MUC12: variants seen among roughly 807,000 people sequenced by gnomAD.
MUC12 encodes mucin 12, cell surface associated.
Under a neutral mutation model 230.8 loss-of-function variants are expected in MUC12, and 172 were observed. The ratio of observed to expected loss-of-function variants is 0.75; its 90% CI spans 0.66 to 0.85. The LOEUF (loss-of-function observed/expected upper bound fraction) is 0.85. MUC12 is among the 40% of genes least tolerant of loss of function. MUC12 has a pLI of 0.00. For synonymous variants in MUC12, 1,259 were observed against 2,401.9 expected (o/e 0.52, Z 13.91); for missense variants, 3,506 against 5,920.6 (o/e 0.59, Z 13.38).
intron 5 of MUC12, among the ~76,000 whole-genome samples, chr7:101,010,682 A>T (rs905368057): frequency 2.6e-5 from 4 of 151,812 alleles, no homozygotes; most frequent in Non-Finnish European, 5.9e-5. Flanking sequence ...ACCCAGCTAA[A>T]TTTTGTATTT....
intron 1 of MUC12, among the ~76,000 whole-genome samples, chr7:100,973,709 A>C (rs1054924971): frequency 3.9e-5 from 2 of 51,666 alleles, no homozygotes; most frequent in African/African-American, 7.5e-5. Flanking sequence ...AACCCAGTCA[A>C]TGGTATTTGC....
intron 11 of MUC12, 56 bp downstream of exon 11, chr7:101,017,719 T>A: frequency 7.7e-7 from 1 of 1,303,850 alleles, no homozygotes. Flanking sequence ...TCCTCTGGGG[T>A]TCCCTCTTCC....
chr7:101,017,704 C>T (rs772717098), intron 11 of MUC12, 41 bp downstream of exon 11: 4 of 1,429,376 alleles, frequency 2.8e-6, no homozygotes, highest in South Asian at 2.5e-5. Context: ...TGAGGCTGCT[C>T]CACTTCCTCT....
chr7:100,981,884 T>TTTTA (rs1793113080), intron 1 of MUC12, among the ~76,000 whole-genome samples: 1 of 150,042 alleles, frequency 6.7e-6, no homozygotes. Flanking sequence ...TTTTTTTTTT[T>TTTTA]GAGACGGAGT....
chr7:101,008,980 C>A, intron 4 of MUC12, 115 bp from the exon 5 acceptor site: 1 of 1,340,008 alleles, frequency 7.5e-7, no homozygotes, highest in Non-Finnish European at 1.0e-6. Flanking sequence ...GTGGTTCCTC[C>A]TATGGGAGCT....
Position 100,991,680 on chromosome 7 carries a change from T to G in MUC12, c.1117T>G (p.Phe373Val). The change falls in exon 2 of 12, where the codon TTC becomes GTC. Residue 373 changes from phenylalanine (F) to valine (V), a missense_variant. By Grantham distance (50) the Phe-to-Val change is conservative. Coordinates refer to ENST00000536621, the MANE Select transcript of MUC12 (RefSeq NM_001164462.2). The part of the protein sequence containing the change: ...RSPGSTQTMH[F>V]PESSTTSGHS... ...CCCGGGCTCAACTCAAACAATGCAC[T>G]TCCCTGAAAGCTCCACAACTTCAGG... 1.3e-6 allele frequency: 2 copies of G among 1,537,644 alleles called. No individual in the cohort carries two copies. The highest frequency in any genetic ancestry group is 1.7e-6 in the Non-Finnish European group (2 of 1,146,790).
At chr7:100,975,601 AT>A (rs1436450670) in intron 1 of MUC12, among the ~76,000 whole-genome samples, 1 of 152,312 alleles carries the variant, frequency 6.6e-6, no homozygotes, top group Non-Finnish European at 1.5e-5. Flanking sequence ...AGTAGAGTTA[AT>A]GAGGTGGGAT....
In MUC12 at chr7:101,013,070, C is replaced by T; in HGVS notation, c.15566C>T (p.Thr5189Ile). The T allele has an allele frequency of 1.3e-6, 2 of 1,537,356 alleles. No individual in the cohort carries two copies. Among genetic ancestry groups the T allele is most frequent in the South Asian group, 1.2e-5 (1 of 84,066 alleles). ...DGKLACVNKC[T>I]KGTKSQMNCN... ...AAGCTGGCCTGTGTGAACAAGTGCA[C>T]CAAAGGAACGAAGTCGCAAATGAAC... The change falls in exon 8 of 12, where the codon ACC becomes ATC. Residue 5189 changes from threonine (T) to isoleucine (I), a missense_variant. Transcript: ENST00000536621.
At position 101,008,714 on chromosome 7, in the gene MUC12, G is replaced by T. The variant is rs747837802; in HGVS notation, c.15139G>T (p.Ala5047Ser). 2.0e-6 allele frequency: 3 copies of T among 1,537,160 alleles called. No homozygotes were observed. The highest frequency in any genetic ancestry group is 2.6e-6 in the Non-Finnish European group (3 of 1,146,892). ...AAATTTCACAGAAAAGATGAATGAC[G>T]CATCCTCCCAGGAATACCAGAACTT... ...YRNFTEKMND[A>S]SSQEYQNFST... The change falls in exon 4 of 12, where the codon GCA (alanine) becomes TCA (serine). Residue 5047 changes from alanine (A) to serine (S), a missense_variant. Ala to Ser is a moderately conservative substitution (Grantham distance 99). Transcript: ENST00000536621.
In MUC12 at chr7:101,004,475, A is replaced by G. The variant is rs1365750269; in HGVS notation, c.13912A>G (p.Thr4638Ala). ...ATCAAGAACTTCCCACAGCAGCACA[A>G]CACACACAATATCTTCACCTCCTAG... is the stretch of plus-strand genomic sequence containing the variant. ...EESRTSHSST[T>A]HTISSPPSTT... Residue 4638 changes from threonine to alanine, a missense_variant, in exon 2 of 12, where the codon ACA (threonine) becomes GCA (alanine). Coordinates refer to ENST00000536621, the MANE Select transcript of MUC12 (RefSeq NM_001164462.2). 29 of 1,529,812 alleles carry G rather than the reference A, an allele frequency of 1.9e-5. No individual in the cohort carries two copies. The highest frequency in any genetic ancestry group is 2.4e-5 in the Non-Finnish European group (27 of 1,145,006). 94.8% of individuals were successfully genotyped at this position (1,529,812 alleles called of 1,614,324 possible).
chr7:101,005,010 C>T lies in MUC12; in HGVS notation c.14447C>T (p.Ser4816Leu). 1 of 1,537,748 alleles carries T rather than the reference C, an allele frequency of 6.5e-7. No individual in the cohort carries two copies. The highest frequency in any genetic ancestry group is 8.7e-7 in the Non-Finnish European group (1 of 1,147,038). ...TTLSPGSITT[S>L]SFAQEFTTPH... ...CTGTCCCCTGGCAGCATCACAACTT[C>T]ATCTTTTGCTCAAGAATTTACCACC... is the stretch of plus-strand genomic sequence containing the variant. Residue 4816 changes from serine (S) to leucine (L), a missense_variant, in exon 2 of 12, where the codon TCA becomes TTA. Physicochemically the swap from Ser to Leu is moderately radical, Grantham distance 145. Transcript: ENST00000536621.
At chr7:101,012,492 A>T in intron 6 of MUC12, 45 bp downstream of exon 6, 1 of 1,523,568 alleles carries the variant, frequency 6.6e-7, no homozygotes, top group South Asian at 1.2e-5. Context: ...TGTCTTGGAG[A>T]TCGTGACCTT....
chr7:100,991,655 C>G lies in MUC12; in HGVS notation c.1092C>G (p.Ser364Arg). The part of the protein sequence containing the change: ...HVEESTAYHR[S>R]PGSTQTMHFP... ...AAGAATCTACAGCCTACCACAGGAG[C>G]CCGGGCTCAACTCAAACAATGCACT... is the stretch of plus-strand genomic sequence containing the variant. The change falls in exon 2 of 12, where the codon AGC becomes AGG. Residue 364 changes from serine to arginine, a missense_variant. Coordinates refer to ENST00000536621, the MANE Select transcript of MUC12 (RefSeq NM_001164462.2). 6.5e-7 allele frequency: 1 copy of G among 1,537,228 alleles called. No individual in the cohort carries two copies. Among genetic ancestry groups the G allele is most frequent in the Non-Finnish European group, 8.7e-7 (1 of 1,146,482 alleles).
rs1032783297 is a variant in MUC12 at position 101,012,910 on chromosome 7, G to A, written c.15475+20G>A. On this transcript the variant is annotated intron_variant, in intron 7 of 11. Transcript: ENST00000536621. ...TCCAGGGTAAGCGACTACGTGGAGC[G>A]TGGGCACTAAGAGTGGGGGCTGGGA... The A allele has an allele frequency of 2.7e-5, 41 of 1,537,094 alleles. 1 individual carries two copies. Among genetic ancestry groups the A allele is most frequent in the South Asian group, 5.9e-5 (5 of 84,068 alleles).
At chr7:100,972,173 G>A (rs5021604) in intron 1 of MUC12, 2 of 702,104 alleles carry the variant, frequency 2.8e-6, no homozygotes, top group East Asian at 5.4e-5. Flanking sequence ...TAATTCTCAT[G>A]AGGAGATCTG....
At position 100,992,866 on chromosome 7, in the gene MUC12, C is replaced by G. The variant is rs34196598; in HGVS notation, c.2303C>G (p.Thr768Arg). 1.3e-6 allele frequency: 2 copies of G among 1,536,970 alleles called. No individual in the cohort carries two copies. The highest frequency in any genetic ancestry group is 1.7e-6 in the Non-Finnish European group (2 of 1,146,750). The change falls in exon 2 of 12, where the codon ACA becomes AGA. Residue 768 changes from threonine (T) to arginine (R), a missense_variant. Thr to Arg is a moderately conservative substitution (Grantham distance 71). Coordinates refer to ENST00000536621, the MANE Select transcript of MUC12 (RefSeq NM_001164462.2). ...ACCTCAGGCCGTAGTGAGGAATCAA[C>G]AGCATCGCACAGCAGCCAAGACGCA... ...STTSGRSEES[T>R]ASHSSQDATG... is the part of the protein sequence containing the mutation.
chr7:100,990,768 C>A lies in MUC12; in HGVS notation c.205C>A (p.Leu69Ile). The A allele has an allele frequency of 6.5e-7, 1 of 1,537,860 alleles. No homozygotes were observed. Among genetic ancestry groups the A allele is most frequent in the Non-Finnish European group, 8.7e-7 (1 of 1,147,028 alleles). The change falls in exon 2 of 12, where the codon CTT becomes ATT. Residue 69 changes from leucine to isoleucine, a missense_variant. Leu to Ile is a conservative substitution (Grantham distance 5). Coordinates refer to ENST00000536621, the MANE Select transcript of MUC12 (RefSeq NM_001164462.2). Reference sequence around the variant, plus strand: ...GGGCTCAACTGCAACAAAACACTTCCTTGACAGCTCCACAAACTCAGGCCA... The same window carrying A: ...GGGCTCAACTGCAACAAAACACTTCATTGACAGCTCCACAAACTCAGGCCA... ...ITGSTATKHF[L>I]DSSTNSGHSE... is the part of the protein sequence containing the mutation.
chr7:100,990,664 C>G lies in MUC12; in HGVS notation c.101C>G (p.Thr34Arg). ...GTAAACACCAGTATTGGAGGTAATA[C>G]AACTTCTGCATCCACACCCAGTTCA... ...STVNTSIGGN[T>R]TSASTPSSSD... Residue 34 changes from threonine to arginine, a missense_variant, in exon 2 of 12, where the codon ACA becomes AGA. Thr to Arg is a moderately conservative substitution (Grantham distance 71, BLOSUM62 -1). Transcript: ENST00000536621. The G allele has an allele frequency of 2.6e-6, 4 of 1,537,582 alleles. No homozygotes were observed. The highest frequency in any genetic ancestry group is 3.5e-6 in the Non-Finnish European group (4 of 1,146,956).
At chr7:101,007,352 T>C (rs1287816645) in intron 3 of MUC12, among the ~76,000 whole-genome samples, 1 of 152,222 alleles carries the variant, frequency 6.6e-6, no homozygotes, top group African/African-American at 2.4e-5. Context: ...TTTCTAACTA[T>C]ACATTTTTTG....
Sources: allele counts gnomAD v4.1 joint callset (sites outside exome capture counted in the v4.1 genomes callset), GRCh38; gene constraint gnomAD v4.1.1; transcripts MANE v1.5; gene names NCBI Gene and HGNC (gene_info 2026-07-23, HGNC 2026-07-21).